AMBRA1: variants seen among roughly 807,000 people sequenced by gnomAD.
The protein encoded by AMBRA1 is activating molecule in BECN1-regulated autophagy protein 1.
Under a neutral mutation model 125.4 loss-of-function variants are expected in AMBRA1, and 47 were observed. That is an observed-to-expected ratio of 0.37 (90% CI 0.30 to 0.48). The LOEUF (loss-of-function observed/expected upper bound fraction) is 0.48. Among genes scored for constraint, AMBRA1 ranks in the 20% least tolerant of loss-of-function variants. The pLI, the probability that AMBRA1 is intolerant of heterozygous loss-of-function variation, is 0.99. For synonymous variants in AMBRA1, 626 were observed against 655.5 expected (o/e 0.95, Z 0.69); for missense variants, 1,331 against 1,693.4 (o/e 0.79, Z 3.76).
chr11:46,472,653 C>G (rs554717676), intron 11 of AMBRA1, among the ~76,000 whole-genome samples: 21 of 152,216 alleles, frequency 1.4e-4, no homozygotes, highest in Non-Finnish European at 2.5e-4. Context: ...TTTTTGTGTT[C>G]ACAACATACA....
intron 1 of AMBRA1, among the ~76,000 whole-genome samples, chr11:46,592,117 G>C (rs2135352235): frequency 6.6e-6 from 1 of 151,470 alleles, no homozygotes; most frequent in South Asian, 2.1e-4. Context: ...GGCTAATTTT[G>C]AATTTTTAGG....
intron 11 of AMBRA1, among the ~76,000 whole-genome samples, chr11:46,486,360 C>G (rs1015810052): frequency 1.3e-5 from 2 of 152,182 alleles, no homozygotes; most frequent in African/African-American, 4.8e-5. Context: ...ACTGCAGTCT[C>G]TATTATTAAT....
intron 8 of AMBRA1, among the ~76,000 whole-genome samples, chr11:46,511,592 C>T (rs924490043): frequency 6.6e-6 from 1 of 152,220 alleles, no homozygotes; most frequent in African/African-American, 2.4e-5. Flanking sequence ...GCTAACCTGC[C>T]AACCCCACAA....
In AMBRA1 at chr11:46,397,759, A is replaced by T. The variant is rs202108742; in HGVS notation, c.3588T>A (p.Thr1196=). The T allele has an allele frequency of 6.2e-7, 1 of 1,612,498 alleles. No homozygotes were observed. Among genetic ancestry groups the T allele is most frequent in the East Asian group, 2.2e-5 (1 of 44,876 alleles). ...HRIHRSSQTG[T]EPGAAHTSSP... ...AGGAGGTGTGGGCGGCACCAGGTTC[A>T]GTGCCCGTCTGAGAGCTGCGGTGAA... The change falls in exon 18 of 18, where the codon ACT becomes ACA. Residue 1196 remains threonine (T), a synonymous_variant. Transcript: ENST00000683756.
At chr11:46,548,530 C>G in intron 1 of AMBRA1, 30 bp from the exon 2 acceptor site, 1 of 916,174 alleles carries the variant, frequency 1.1e-6, no homozygotes, top group South Asian at 2.2e-5. Flanking sequence ...TGTCAAAGAA[C>G]GACTTCTGCA....
At chr11:46,520,502 G>A (rs1951708346) in intron 7 of AMBRA1, among the ~76,000 whole-genome samples, 1 of 151,876 alleles carries the variant, frequency 6.6e-6, no homozygotes, top group Non-Finnish European at 1.5e-5. Context: ...CCTTATTACT[G>A]TCTGTAAAAA....
At chr11:46,495,146 A>G (rs1950589061) in intron 9 of AMBRA1, 1 of 152,252 alleles carries the variant, frequency 6.6e-6, no homozygotes, top group Non-Finnish European at 1.5e-5. Context: ...TTTAGTTTCC[A>G]GTACATCAAA....
At chr11:46,480,305 C>T (rs1950009089) in intron 11 of AMBRA1, among the ~76,000 whole-genome samples, 1 of 152,176 alleles carries the variant, frequency 6.6e-6, no homozygotes, top group Non-Finnish European at 1.5e-5. Flanking sequence ...ATTTTACCTA[C>T]TAAACCATCT....
intron 12 of AMBRA1, among the ~76,000 whole-genome samples, chr11:46,440,609 T>G (rs567088144): frequency 7.2e-5 from 11 of 152,194 alleles, no homozygotes; most frequent in African/African-American, 2.6e-4. Context: ...ATGGCCAACT[T>G]TAAATAAATT....
chr11:46,519,199 T>C (rs1051386013), intron 7 of AMBRA1, among the ~76,000 whole-genome samples: 3 of 152,262 alleles, frequency 2.0e-5, no homozygotes, highest in East Asian at 1.9e-4. Flanking sequence ...AATTTTTGTA[T>C]TTTTAGTAGA....
intron 11 of AMBRA1, among the ~76,000 whole-genome samples, chr11:46,477,295 G>A (rs555796054): frequency 6.6e-6 from 1 of 151,810 alleles, no homozygotes; most frequent in Non-Finnish European, 1.5e-5. Context: ...TCATTAGGGA[G>A]AGTCTTTGTC....
At chr11:46,507,733 A>C (rs994487821) in intron 9 of AMBRA1, among the ~76,000 whole-genome samples, 3 of 152,242 alleles carry the variant, frequency 2.0e-5, no homozygotes, top group African/African-American at 7.2e-5. Context: ...TGATCAGGGC[A>C]CTAAGATAGA....
chr11:46,544,725 T>G (rs1952918053), intron 5 of AMBRA1, among the ~76,000 whole-genome samples: 1 of 152,100 alleles, frequency 6.6e-6, no homozygotes, highest in African/African-American at 2.4e-5. Flanking sequence ...AAAGAGAGTC[T>G]AATGACCCTG....
chr11:46,544,282 T>A (rs1165293275), intron 5 of AMBRA1, among the ~76,000 whole-genome samples: 7 of 152,098 alleles, frequency 4.6e-5, no homozygotes, highest in Non-Finnish European at 1.0e-4. Flanking sequence ...ACACCTAGAG[T>A]TGCCATCCCA....
intron 11 of AMBRA1, among the ~76,000 whole-genome samples, chr11:46,449,837 G>C (rs571528394): frequency 2.0e-5 from 3 of 152,134 alleles, no homozygotes; most frequent in Non-Finnish European, 2.9e-5. Context: ...AAGGCAGGTG[G>C]ATCATGAGGT....
intron 17 of AMBRA1, among the ~76,000 whole-genome samples, chr11:46,407,013 T>C (rs1203318362): frequency 6.6e-6 from 1 of 151,180 alleles, no homozygotes; most frequent in African/African-American, 2.4e-5. Flanking sequence ...ACCCTGTCTC[T>C]ACTAAAAATA....
chr11:46,535,190 C>G (rs1228680983), intron 7 of AMBRA1, among the ~76,000 whole-genome samples: 1 of 152,124 alleles, frequency 6.6e-6, no homozygotes, highest in South Asian at 2.1e-4. Flanking sequence ...CCTTAAATGC[C>G]GAACTTCTAA....
rs1232848404 is a variant in AMBRA1 at position 46,543,320 on chromosome 11, G to A, written c.697C>T (p.Pro233Ser). The change falls in exon 7 of 18, where the codon CCA becomes TCA. Residue 233 changes from proline (P) to serine (S), a missense_variant. Physicochemically the swap from Pro to Ser is moderately conservative, Grantham distance 74. Transcript: ENST00000683756. ...TGGAGGAGAGGCGTCCGGCGAACTG[G>A]CTGTGATTGCAGGAGGGCACGCTGA... The part of the protein sequence containing the change: ...YRQRALLQSQ[P>S]VRRTPLLHNF... 6.2e-7 allele frequency: 1 copy of A among 1,614,090 alleles called. No individual in the cohort carries two copies.
At chr11:46,549,732 T>C (rs1195274825) in intron 1 of AMBRA1, among the ~76,000 whole-genome samples, 2 of 152,230 alleles carry the variant, frequency 1.3e-5, no homozygotes, top group Non-Finnish European at 2.9e-5. Context: ...TGGACGTTTA[T>C]GTCTCTTTAG....
Sources: gnomAD v4.1 joint callset for allele counts (sites outside exome capture counted in the v4.1 genomes callset) on GRCh38, gnomAD v4.1.1 for gene constraint, MANE v1.5 for transcripts, NCBI Gene and HGNC (gene_info 2026-07-23, HGNC 2026-07-21) for gene names.